ABCA13: variants seen among roughly 807,000 people sequenced by gnomAD.
ABCA13 encodes the protein ATP-binding cassette sub-family A member 13.
A neutral mutation model predicts 478.7 loss-of-function variants in ABCA13; 476 were observed. The ratio of observed to expected loss-of-function variants is 0.99; its 90% CI spans 0.92 to 1.07. The LOEUF (loss-of-function observed/expected upper bound fraction) is 1.07. ABCA13 is among the 50% of genes least tolerant of loss of function. The pLI, the probability that ABCA13 is intolerant of heterozygous loss-of-function variation, is 0.00. For missense variants in ABCA13, 6,060 were observed against 5,910.6 expected, an observed-to-expected ratio of 1.03 and a Z score of -0.83; for synonymous variants, 2,252 against 2,158.9, an observed-to-expected ratio of 1.04 and a Z score of -1.20.
In ABCA13 at chr7:48,489,279, T is replaced by G. The variant is rs199802078; in HGVS notation, c.13226T>G (p.Leu4409Ter). 8.0e-5 allele frequency: 129 copies of G among 1,612,894 alleles called. No homozygotes were observed. Among genetic ancestry groups the G allele is most frequent in the Non-Finnish European group, 3.6e-5 (43 of 1,179,300 alleles). ...GGTTTTCATTCCCTACCTTCCTACT[T>G]AAATCATCTAAACAACCTTATTTTG... ...QKGFHSLPSY[L>*]NHLNNLILWQ... Residue 4409 changes from leucine to a stop codon, truncating the protein, a stop_gained, in exon 48 of 62, where the codon TTA becomes TGA. Coordinates refer to ENST00000435803, the MANE Select transcript of ABCA13 (RefSeq NM_152701.5). LOFTEE classifies it high-confidence loss of function.
chr7:48,566,925 C>T (rs552198158), intron 55 of ABCA13, among the ~76,000 whole-genome samples: 9 of 152,220 alleles, frequency 5.9e-5, no homozygotes, highest in South Asian at 4.1e-4. Flanking sequence ...GGATCTTCTC[C>T]GCAAACATTC....
At chr7:48,574,006 A>G (rs13225206) in intron 55 of ABCA13, among the ~76,000 whole-genome samples, 14,381 of 151,956 alleles carry the variant, frequency 0.095, 1,162 homozygotes, top group African/African-American at 0.22. Flanking sequence ...TACCAGATTA[A>G]AGCCCACCAT....
At chr7:48,512,269 A>G (rs1831756662) in intron 51 of ABCA13, among the ~76,000 whole-genome samples, 1 of 152,174 alleles carries the variant, frequency 6.6e-6, no homozygotes, top group East Asian at 1.9e-4. Flanking sequence ...TTTTCTTTGT[A>G]AAACTTCATG....
chr7:48,384,655 G>GA (rs1814897521), intron 35 of ABCA13, among the ~76,000 whole-genome samples: 6 of 152,146 alleles, frequency 3.9e-5, no homozygotes, highest in Admixed American at 6.5e-5. Context: ...ACAGAGGGAT[G>GA]GTTTTTGCTT....
At chr7:48,606,449 A>G (rs151001450) in intron 58 of ABCA13, among the ~76,000 whole-genome samples, 1,746 of 152,048 alleles carry the variant, frequency 0.011, 26 homozygotes, top group African/African-American at 0.04. Context: ...TCTGTTTGTT[A>G]GTTTTTCTTC....
chr7:48,271,015 A>G (rs1407805740), intron 16 of ABCA13, among the ~76,000 whole-genome samples: 4 of 152,228 alleles, frequency 2.6e-5, no homozygotes, highest in Admixed American at 1.3e-4. Context: ...GAAAGTGTTA[A>G]TACGGTGATG....
intron 43 of ABCA13, among the ~76,000 whole-genome samples, chr7:48,464,121 A>G (rs1227929998): frequency 6.6e-6 from 1 of 152,196 alleles, no homozygotes; most frequent in East Asian, 1.9e-4. Flanking sequence ...GTAATTTTCA[A>G]TTTCTAGAGT....
chr7:48,350,929 T>G (rs1169296989), intron 30 of ABCA13, 110 bp downstream of exon 30: 3 of 1,120,444 alleles, frequency 2.7e-6, no homozygotes, highest in Non-Finnish European at 3.7e-6. Flanking sequence ...AGAAAAGAAG[T>G]CCTTTCCAGA....
chr7:48,298,380 G>T lies in ABCA13; in HGVS notation c.9214G>T (p.Asp3072Tyr). The T allele has an allele frequency of 6.2e-7, 1 of 1,608,308 alleles. No individual in the cohort carries two copies. Among genetic ancestry groups the T allele is most frequent in the Non-Finnish European group, 8.5e-7 (1 of 1,177,478 alleles). ...TTACTTTGCAGATGTAAAAATAAAA[G>T]ATTTGATGAAGAATATCACCAAGTT... is the stretch of plus-strand genomic sequence containing the variant. ...FTVTEDVKIK[D>Y]LMKNITKLTE... Residue 3072 changes from aspartate (D) to tyrosine (Y), a missense_variant, in exon 23 of 62, where the codon GAT (aspartate) becomes TAT (tyrosine). Transcript: ENST00000435803.
At chr7:48,229,801 CT>C in intron 6 of ABCA13, 23 bp from the exon 7 acceptor site, 2 of 1,613,292 alleles carry the variant, frequency 1.2e-6, no homozygotes, top group East Asian at 2.2e-5. Context: ...ACTCATATTG[CT>C]TTTTGTTTTG....
intron 55 of ABCA13, among the ~76,000 whole-genome samples, chr7:48,552,843 T>C (rs1041535340): frequency 6.6e-6 from 1 of 151,710 alleles, no homozygotes; most frequent in Non-Finnish European, 1.5e-5. Flanking sequence ...AATTATACTA[T>C]TAGTTATTTT....
chr7:48,309,899 C>T (rs776161035), intron 23 of ABCA13, 48 bp from the exon 24 acceptor site: 2 of 1,601,928 alleles, frequency 1.2e-6, no homozygotes, highest in Non-Finnish European at 1.7e-6. Flanking sequence ...TGGTGAAGCA[C>T]ATGACGTCAT....
chr7:48,626,875 A>C, intron 59 of ABCA13: 1 of 985,386 alleles, frequency 1.0e-6, no homozygotes, highest in Non-Finnish European at 1.2e-6. Context: ...CCTACGAGGA[A>C]GGGCTGTTGA....
intron 46 of ABCA13, among the ~76,000 whole-genome samples, chr7:48,482,858 C>T (rs1486545134): frequency 6.6e-6 from 1 of 152,220 alleles, no homozygotes; most frequent in Non-Finnish European, 1.5e-5. Context: ...CACACCTTCT[C>T]AATTATCAGT....
At chr7:48,192,205 A>G (rs921141290) in intron 1 of ABCA13, among the ~76,000 whole-genome samples, 1 of 151,744 alleles carries the variant, frequency 6.6e-6, no homozygotes. Context: ...TTTTCCTCAA[A>G]TGATTAAATT....
intron 59 of ABCA13, among the ~76,000 whole-genome samples, chr7:48,640,063 A>G (rs1236747654): frequency 6.6e-6 from 1 of 152,168 alleles, no homozygotes; most frequent in Admixed American, 6.5e-5. Context: ...ATATGTGCAA[A>G]CATACTTACA....
intron 55 of ABCA13, among the ~76,000 whole-genome samples, chr7:48,556,610 T>C (rs543532084): frequency 3.3e-5 from 5 of 152,174 alleles, no homozygotes; most frequent in Non-Finnish European, 7.4e-5. Context: ...TTGTCTGATA[T>C]AAATATAGCT....
chr7:48,220,284 A>AT, intron 4 of ABCA13, among the ~76,000 whole-genome samples: 1 of 152,340 alleles, frequency 6.6e-6, no homozygotes, highest in South Asian at 2.1e-4. Context: ...AAATGGGGGC[A>AT]TTCAGTTAAA....
chr7:48,559,710 C>G (rs779004674), intron 55 of ABCA13, among the ~76,000 whole-genome samples: 1 of 152,170 alleles, frequency 6.6e-6, no homozygotes, highest in African/African-American at 2.4e-5. Flanking sequence ...GTATCACTGC[C>G]AGTTATTCAG....
Sources: allele counts gnomAD v4.1 joint callset (sites outside exome capture counted in the v4.1 genomes callset), GRCh38; gene constraint gnomAD v4.1.1; transcripts MANE v1.5; gene names NCBI Gene and HGNC (gene_info 2026-07-23, HGNC 2026-07-21).